The following GRID2 variants were observed in gnomAD, a reference collection of about 807,000 sequenced individuals.
The protein encoded by GRID2 is glutamate receptor ionotropic, delta-2.
GRID2 carries 33 observed loss-of-function variants against 114.8 expected under a neutral mutation model. The observed-to-expected ratio is 0.29, with a 90% CI of 0.22 to 0.38. The LOEUF (loss-of-function observed/expected upper bound fraction) is 0.38. GRID2 is among the 10% of genes least tolerant of loss of function. GRID2 has a pLI of 1.00. For synonymous variants in GRID2, 505 were observed against 449.9 expected (o/e 1.12, Z -1.55); for missense variants, 1,184 against 1,257.7 (o/e 0.94, Z 0.89).
intron 1 of GRID2, among the ~76,000 whole-genome samples, chr4:92,473,368 A>G (rs1722135722): frequency 6.6e-6 from 1 of 152,064 alleles, no homozygotes; most frequent in South Asian, 2.1e-4. Flanking sequence ...TCGTCTTATA[A>G]TAAGGAAAGT....
At chr4:93,345,458 T>C (rs919713044) in intron 8 of GRID2, among the ~76,000 whole-genome samples, 6 of 152,144 alleles carry the variant, frequency 3.9e-5, no homozygotes, top group Admixed American at 3.9e-4. Context: ...CTGAGAAATG[T>C]ATATTCAGGT....
At chr4:92,733,382 C>G (rs1736425742) in intron 2 of GRID2, among the ~76,000 whole-genome samples, 3 of 152,090 alleles carry the variant, frequency 2.0e-5, no homozygotes, top group Non-Finnish European at 4.4e-5. Flanking sequence ...GACTCTGTCT[C>G]TGCCCAAGCT....
In GRID2 at chr4:92,651,413, C is replaced by T. The variant is rs76753454; in HGVS notation, c.244+61127C>T. 2.3e-4 allele frequency among the ~76,000 whole-genome samples: 35 copies of T among 152,072 alleles called. No homozygotes were observed. In the East Asian group the frequency reaches 5.2e-3, roughly 23 times the overall value. On this transcript the variant is annotated intron_variant, in intron 2 of 15. Transcript: ENST00000282020. ...CATGCCTAACTTCCATCCCTGCCTC[C>T]GTGGCCACTTTGTTCATAAACCTAT...
At chr4:92,554,542 T>A (rs1726758560) in intron 1 of GRID2, among the ~76,000 whole-genome samples, 1 of 152,184 alleles carries the variant, frequency 6.6e-6, no homozygotes, top group African/African-American at 2.4e-5. Flanking sequence ...TGTTAACAAC[T>A]TAATCGAGTA....
chr4:93,556,282 C>T (rs1307155916), intron 13 of GRID2, among the ~76,000 whole-genome samples: 2 of 152,102 alleles, frequency 1.3e-5, no homozygotes, highest in Non-Finnish European at 2.9e-5. Flanking sequence ...TAGAAGTAGG[C>T]TTCAGAAAGT....
chr4:92,683,975 T>G (rs955931271), intron 2 of GRID2, among the ~76,000 whole-genome samples: 1 of 151,988 alleles, frequency 6.6e-6, no homozygotes, highest in South Asian at 2.1e-4. Flanking sequence ...AATTAGGCTG[T>G]GATTAACTTA....
intron 14 of GRID2, among the ~76,000 whole-genome samples, chr4:93,681,746 G>C (rs954899817): frequency 6.6e-6 from 1 of 152,172 alleles, no homozygotes; most frequent in Non-Finnish European, 1.5e-5. Flanking sequence ...GCTGAAACTG[G>C]ATCCCTTCCT....
At chr4:92,697,475 A>G (rs1211656933) in intron 2 of GRID2, among the ~76,000 whole-genome samples, 1 of 152,182 alleles carries the variant, frequency 6.6e-6, no homozygotes, top group Non-Finnish European at 1.5e-5. Flanking sequence ...ACAGCAAACT[A>G]TGTAGTTTGA....
rs1411610122 is a variant in GRID2, at chr4:93,780,167, A to T, written c.221+10717A>T. 2.6e-5 allele frequency among the ~76,000 whole-genome samples: 4 copies of T among 152,324 alleles called. No homozygotes were observed. In the East Asian group the frequency reaches 7.7e-4, roughly 29 times the overall value. ...GAAGAACAAGGAGCAAGAAGGCCAG[A>T]GCAGAAGTGGGGATCTGCTATATTA... On this transcript the variant is annotated intron_variant, in intron 1 of 1. Coordinates refer to the GRID2 transcript ENST00000637838.
At chr4:92,793,883 C>T (rs529622733) in intron 2 of GRID2, among the ~76,000 whole-genome samples, 1 of 151,872 alleles carries the variant, frequency 6.6e-6, no homozygotes, top group Admixed American at 6.6e-5. Context: ...ATTGAGTGTT[C>T]TTGAAGACAG....
At chr4:93,763,368 A>C (rs867285646) in intron 14 of GRID2, among the ~76,000 whole-genome samples, 7 of 152,184 alleles carry the variant, frequency 4.6e-5, no homozygotes, top group African/African-American at 1.7e-4. Context: ...CCCACTGCTC[A>C]GTAGGCACAG....
chr4:92,618,372 C>T (rs1222206295), intron 2 of GRID2, among the ~76,000 whole-genome samples: 11 of 151,640 alleles, frequency 7.3e-5, no homozygotes, highest in Middle Eastern at 3.2e-3. Flanking sequence ...GTCTATATTT[C>T]TGTTCTTACG....
intron 4 of GRID2, among the ~76,000 whole-genome samples, chr4:93,181,925 A>G (rs1739932906): frequency 6.6e-6 from 1 of 152,182 alleles, no homozygotes; most frequent in Non-Finnish European, 1.5e-5. Flanking sequence ...TAAGAATAGA[A>G]TTATTTCCAA....
At chr4:92,330,490 C>G (rs17019300) in intron 1 of GRID2, among the ~76,000 whole-genome samples, 3,107 of 152,122 alleles carry the variant, frequency 0.02, 111 homozygotes, top group African/African-American at 0.071. Context: ...TATCATACTA[C>G]TTGGGCAATA....
rs184213335 is a variant in GRID2, at chr4:92,324,869, T to C, written c.88+20125T>C. 1.7e-3 allele frequency among the ~76,000 whole-genome samples: 258 copies of C among 152,092 alleles called. 2 individuals are homozygous for C. The highest frequency in any genetic ancestry group is 5.9e-3 in the African/African-American group (245 of 41,538). On this transcript the variant is annotated intron_variant, in intron 1 of 15. Transcript: ENST00000282020. ...GAGATAATTTTTCATAGTTTTCACATATCATTTATTGAACAAATACCATTG... is the reference window on the plus strand; with the variant it reads ...GAGATAATTTTTCATAGTTTTCACACATCATTTATTGAACAAATACCATTG...
At chr4:92,457,594 T>C (rs921518533) in intron 1 of GRID2, among the ~76,000 whole-genome samples, 3 of 152,194 alleles carry the variant, frequency 2.0e-5, no homozygotes, top group Non-Finnish European at 4.4e-5. Flanking sequence ...AGCAATAACT[T>C]ACTCATTATA....
chr4:92,695,171 G>A (rs1284352565), intron 2 of GRID2, among the ~76,000 whole-genome samples: 2 of 151,990 alleles, frequency 1.3e-5, no homozygotes, highest in Admixed American at 6.6e-5. Flanking sequence ...TCACTATATT[G>A]CCCCGTCTGG....
intron 8 of GRID2, among the ~76,000 whole-genome samples, chr4:93,311,881 A>C (rs1201691008): frequency 6.6e-6 from 1 of 152,192 alleles, no homozygotes; most frequent in Non-Finnish European, 1.5e-5. Flanking sequence ...GATGTTATTG[A>C]GGCAAAAAAC....
chr4:92,817,406 G>A (rs935031726), intron 2 of GRID2, among the ~76,000 whole-genome samples: 1 of 151,886 alleles, frequency 6.6e-6, no homozygotes, highest in Admixed American at 6.6e-5. Context: ...GATAAAGTTT[G>A]TACTTATCCT....
Sources: gnomAD v4.1 joint callset for allele counts (sites outside exome capture counted in the v4.1 genomes callset) on GRCh38, gnomAD v4.1.1 for gene constraint, MANE v1.5 for transcripts, NCBI Gene and HGNC (gene_info 2026-07-23, HGNC 2026-07-21) for gene names.